Variants in MGMT observed in about 807,000 individuals in gnomAD.
MGMT encodes O-6-methylguanine-DNA methyltransferase.
MGMT carries 14 observed loss-of-function variants against 15.9 expected under a neutral mutation model. That is an observed-to-expected ratio of 0.88 (90% CI 0.58 to 1.37). The LOEUF is 1.37. Among genes scored for constraint, MGMT ranks in the 40% most tolerant of loss-of-function variants. The pLI, the probability that MGMT is intolerant of heterozygous loss-of-function variation, is 0.00. For missense variants in MGMT, 282 were observed against 268.1 expected, an observed-to-expected ratio of 1.05 and a Z score of -0.36; for synonymous variants, 130 against 118.2, an observed-to-expected ratio of 1.10 and a Z score of -0.65.
At chr10:129,545,840 A>G (rs993333203) in intron 2 of MGMT, among the ~76,000 whole-genome samples, 1 of 152,214 alleles carries the variant, frequency 6.6e-6, no homozygotes, top group Non-Finnish European at 1.5e-5. Context: ...AACTCTCACA[A>G]TATACTTGGT....
chr10:129,585,979 T>C (rs1846613605), intron 2 of MGMT, among the ~76,000 whole-genome samples: 1 of 152,124 alleles, frequency 6.6e-6, no homozygotes, highest in African/African-American at 2.4e-5. Context: ...ATCTGATAGA[T>C]ACCAAGATAG....
chr10:129,723,682 A>G (rs1051878873), intron 3 of MGMT, among the ~76,000 whole-genome samples: 3 of 152,218 alleles, frequency 2.0e-5, no homozygotes, highest in African/African-American at 7.2e-5. Flanking sequence ...TGATAACTCC[A>G]TAAAAGGACC....
At chr10:129,643,659 G>A (rs1361279708) in intron 2 of MGMT, among the ~76,000 whole-genome samples, 8 of 152,278 alleles carry the variant, frequency 5.3e-5, no homozygotes, top group South Asian at 2.1e-4. Context: ...GATTTCTTCC[G>A]TTCACCCAGA....
At chr10:129,726,659 G>A (rs1848437851) in intron 3 of MGMT, among the ~76,000 whole-genome samples, 1 of 152,202 alleles carries the variant, frequency 6.6e-6, no homozygotes, top group Non-Finnish European at 1.5e-5. Context: ...ATGGAAACTT[G>A]ATATTGTAAA....
At chr10:129,524,212 C>G (rs140896938) in intron 1 of MGMT, among the ~76,000 whole-genome samples, 5 of 152,220 alleles carry the variant, frequency 3.3e-5, no homozygotes, top group African/African-American at 1.2e-4. Flanking sequence ...CACTACCTCC[C>G]GCCCTCAAGG....
At chr10:129,544,068 A>G (rs904889557) in intron 2 of MGMT, among the ~76,000 whole-genome samples, 2 of 152,046 alleles carry the variant, frequency 1.3e-5, no homozygotes, top group African/African-American at 4.8e-5. Flanking sequence ...ATAAGTTTCC[A>G]TTTAAGAGTC....
At chr10:129,628,579 T>C (rs1012182697) in intron 2 of MGMT, among the ~76,000 whole-genome samples, 7 of 152,156 alleles carry the variant, frequency 4.6e-5, no homozygotes, top group African/African-American at 1.4e-4. Context: ...ACAGAATCAT[T>C]TGGCAAAACA....
At chr10:129,492,668 G>A (rs533146029) in intron 1 of MGMT, among the ~76,000 whole-genome samples, 1 of 152,288 alleles carries the variant, frequency 6.6e-6, no homozygotes, top group East Asian at 1.9e-4. Flanking sequence ...CTCCCCATCT[G>A]CACCCAGGAT....
chr10:129,651,307 A>G (rs1309583171), intron 2 of MGMT, among the ~76,000 whole-genome samples: 2 of 152,156 alleles, frequency 1.3e-5, no homozygotes, highest in Admixed American at 6.5e-5. Flanking sequence ...TTTATGCATT[A>G]ATTAGTAATG....
At chr10:129,544,859 G>A (rs1846082471) in intron 2 of MGMT, among the ~76,000 whole-genome samples, 1 of 152,220 alleles carries the variant, frequency 6.6e-6, no homozygotes. Context: ...TGGGATTTCT[G>A]ACAGTATCCC....
At chr10:129,567,057 G>A (rs962627682) in intron 2 of MGMT, among the ~76,000 whole-genome samples, 4 of 152,106 alleles carry the variant, frequency 2.6e-5, no homozygotes, top group Admixed American at 1.3e-4. Flanking sequence ...TCGTGTTTTC[G>A]AGTGTTTCCA....
At chr10:129,660,424 T>G (rs1406597817) in intron 2 of MGMT, among the ~76,000 whole-genome samples, 1 of 152,052 alleles carries the variant, frequency 6.6e-6, no homozygotes, top group African/African-American at 2.4e-5. Flanking sequence ...TTTCTGCCCT[T>G]ACAAAGCTGA....
chr10:129,708,029 C>T lies in MGMT; in HGVS notation c.260C>T (p.Pro87Leu). Residue 87 changes from proline to leucine, a missense_variant, in exon 3 of 5, where the codon CCC becomes CTC. Coordinates refer to ENST00000651593, the MANE Select transcript of MGMT (RefSeq NM_002412.5). The stretch of plus-strand genomic sequence containing the variant: ...TTCCCCGTGCCGGCTCTTCACCATC[C>T]CGTTTTCCAGCAAGGTCGGTAACTA... ...EEFPVPALHH[P>L]VFQQESFTRQ... The T allele has an allele frequency of 6.2e-7, 1 of 1,612,530 alleles. No individual in the cohort carries two copies. Among genetic ancestry groups the T allele is most frequent in the Non-Finnish European group, 8.5e-7 (1 of 1,179,350 alleles).
At chr10:129,747,006 T>C (rs536263342) in intron 3 of MGMT, among the ~76,000 whole-genome samples, 1 of 152,198 alleles carries the variant, frequency 6.6e-6, no homozygotes, top group Admixed American at 6.5e-5. Context: ...GTGATTACTT[T>C]TTCAGCATTT....
rs181006836 is a variant in MGMT at position 129,739,870 on chromosome 10, G to T, written c.275-19332G>T. On this transcript the variant is annotated intron_variant, in intron 3 of 4. Coordinates refer to ENST00000651593, the MANE Select transcript of MGMT (RefSeq NM_002412.5). ...CCAGTATGGCTCAGGGAAGCCAAAA[G>T]ATTAGACACCCCTGCCCTACACCTT... Among the ~76,000 whole-genome samples, 162 of 151,908 alleles carry T rather than the reference G, an allele frequency of 1.1e-3. 1 individual carries two copies. Among genetic ancestry groups the T allele is most frequent in the Admixed American group, 2.3e-3 (35 of 15,268 alleles).
chr10:129,643,234 G>T (rs1589910799), intron 2 of MGMT, among the ~76,000 whole-genome samples: 1 of 152,194 alleles, frequency 6.6e-6, no homozygotes, highest in East Asian at 1.9e-4. Context: ...AGGCTGTGGG[G>T]TGGGAGGAGG....
chr10:129,568,969 C>G (rs1846386111), intron 2 of MGMT, among the ~76,000 whole-genome samples: 1 of 152,244 alleles, frequency 6.6e-6, no homozygotes, highest in Non-Finnish European at 1.5e-5. Context: ...CCTGGGCTGC[C>G]TCACACATTG....
intron 3 of MGMT, among the ~76,000 whole-genome samples, chr10:129,722,880 C>T (rs1310570927): frequency 1.3e-5 from 2 of 151,964 alleles, no homozygotes; most frequent in Non-Finnish European, 2.9e-5. Context: ...GTGGTGCACA[C>T]CTGTAATCCC....
At chr10:129,729,167 C>T (rs1036226710) in intron 3 of MGMT, among the ~76,000 whole-genome samples, 5 of 152,090 alleles carry the variant, frequency 3.3e-5, no homozygotes, top group African/African-American at 1.2e-4. Context: ...GGGAGACCCT[C>T]TGAGCTCATC....
Sources: allele counts gnomAD v4.1 joint callset (sites outside exome capture counted in the v4.1 genomes callset), GRCh38; gene constraint gnomAD v4.1.1; transcripts MANE v1.5; gene names NCBI Gene and HGNC (gene_info 2026-07-23, HGNC 2026-07-21).